The following PAPPA2 variants were observed in gnomAD, a reference collection of about 807,000 sequenced individuals.
PAPPA2 encodes pappalysin 2.
In PAPPA2, 86 loss-of-function variants were observed where a neutral mutation model predicts 176.4. The observed-to-expected ratio is 0.49, with a 90% CI of 0.41 to 0.58. The LOEUF is 0.58. Ranked by LOEUF, PAPPA2 falls within the 20% of genes least tolerant of loss-of-function variation. The pLI is 0.00. For synonymous variants in PAPPA2, 809 were observed against 852.2 expected (o/e 0.95, Z 0.88); for missense variants, 2,073 against 2,256.9 (o/e 0.92, Z 1.65).
chr1:176,507,147 C>T (rs552262935), intron 1 of PAPPA2, among the ~76,000 whole-genome samples: 1 of 151,970 alleles, frequency 6.6e-6, no homozygotes, highest in African/African-American at 2.4e-5. Flanking sequence ...AGACACTGCT[C>T]CAAAGAAGAC....
chr1:176,816,384 C>T (rs986640255), intron 21 of PAPPA2, among the ~76,000 whole-genome samples: 2 of 144,334 alleles, frequency 1.4e-5, no homozygotes, highest in African/African-American at 5.3e-5. Context: ...CACGCACACA[C>T]ACACACACAC....
chr1:176,504,860 C>T (rs937836454), intron 1 of PAPPA2, among the ~76,000 whole-genome samples: 1 of 152,062 alleles, frequency 6.6e-6, no homozygotes, highest in Non-Finnish European at 1.5e-5. Context: ...GGTACTACTC[C>T]TTCAGATGGA....
At chr1:176,473,300 G>A (rs1043667272) in intron 1 of PAPPA2, among the ~76,000 whole-genome samples, 2 of 151,974 alleles carry the variant, frequency 1.3e-5, no homozygotes, top group Non-Finnish European at 2.9e-5. Flanking sequence ...CAGCCTTTTC[G>A]GATTGGCTTC....
intron 12 of PAPPA2, among the ~76,000 whole-genome samples, chr1:176,715,471 T>C (rs111949626): frequency 9.2e-5 from 14 of 152,264 alleles, no homozygotes; most frequent in African/African-American, 3.1e-4. Flanking sequence ...AGGGTAGACA[T>C]CACACCTTGT....
At chr1:176,602,381 A>G (rs1160829725) in intron 3 of PAPPA2, among the ~76,000 whole-genome samples, 3 of 152,148 alleles carry the variant, frequency 2.0e-5, no homozygotes, top group Admixed American at 6.5e-5. Context: ...CAGGTATACA[A>G]TAGAAAGGGT....
intron 14 of PAPPA2, among the ~76,000 whole-genome samples, chr1:176,761,318 A>G (rs1368900037): frequency 6.6e-6 from 1 of 152,192 alleles, no homozygotes; most frequent in Non-Finnish European, 1.5e-5. Flanking sequence ...GGCTTAAAAC[A>G]CTGACTCTTG....
intron 1 of PAPPA2, among the ~76,000 whole-genome samples, chr1:176,507,065 C>G (rs1441028970): frequency 6.6e-6 from 1 of 151,988 alleles, no homozygotes; most frequent in Non-Finnish European, 1.5e-5. Flanking sequence ...TATCCAGAAT[C>G]TATAGGGAAT....
intron 1 of PAPPA2, among the ~76,000 whole-genome samples, chr1:176,490,298 T>C (rs1468450205): frequency 1.3e-5 from 2 of 152,180 alleles, no homozygotes; most frequent in African/African-American, 2.4e-5. Context: ...CAGGGGAATT[T>C]AATAAAAACA....
chr1:176,769,876 C>T, intron 16 of PAPPA2, 92 bp downstream of exon 16: 1 of 1,328,732 alleles, frequency 7.5e-7, no homozygotes, highest in African/African-American at 1.5e-5. Context: ...ACCCCAACAC[C>T]TTTCCTATTT....
At chr1:176,811,081 G>T (rs1666128546) in intron 21 of PAPPA2, among the ~76,000 whole-genome samples, 1 of 152,068 alleles carries the variant, frequency 6.6e-6, no homozygotes, top group African/African-American at 2.4e-5. Flanking sequence ...AAATGTCAAG[G>T]CTTGAAAGTA....
chr1:176,546,073 G>T (rs918765702), intron 1 of PAPPA2, among the ~76,000 whole-genome samples: 2 of 152,196 alleles, frequency 1.3e-5, no homozygotes, highest in Non-Finnish European at 2.9e-5. Context: ...GTCAAAATAA[G>T]TATGGACAGG....
At chr1:176,474,887 A>T (rs1652042885) in intron 1 of PAPPA2, among the ~76,000 whole-genome samples, 1 of 152,204 alleles carries the variant, frequency 6.6e-6, no homozygotes, top group African/African-American at 2.4e-5. Context: ...TACTGGGAAA[A>T]GTCATATGTT....
chr1:176,779,306 C>T (rs911485178), intron 17 of PAPPA2, among the ~76,000 whole-genome samples: 2 of 152,006 alleles, frequency 1.3e-5, no homozygotes, highest in African/African-American at 4.8e-5. Flanking sequence ...TTTCTTCAAG[C>T]CCATTGAGTG....
chr1:176,769,052 C>CATCA (rs2102910456), intron 15 of PAPPA2, among the ~76,000 whole-genome samples: 1 of 152,332 alleles, frequency 6.6e-6, no homozygotes, highest in South Asian at 2.1e-4. Flanking sequence ...GGGACTCAGT[C>CATCA]ATCACCCCTA....
At chr1:176,676,386 T>C (rs1443031559) in intron 4 of PAPPA2, among the ~76,000 whole-genome samples, 1 of 151,804 alleles carries the variant, frequency 6.6e-6, no homozygotes. Context: ...ATCGACACAA[T>C]GAAATACTAC....
At chr1:176,605,634 C>T (rs932431606) in intron 3 of PAPPA2, among the ~76,000 whole-genome samples, 5 of 152,186 alleles carry the variant, frequency 3.3e-5, no homozygotes, top group African/African-American at 1.2e-4. Context: ...CACAGTTTCT[C>T]ATAGTACCTT....
intron 21 of PAPPA2, among the ~76,000 whole-genome samples, chr1:176,812,458 C>T (rs963974887): frequency 2.6e-5 from 4 of 152,128 alleles, no homozygotes; most frequent in Admixed American, 2.6e-4. Flanking sequence ...GGACTTTGCT[C>T]AACTAAGACT....
At chr1:176,518,204 TCA>T (rs1292259108) in intron 1 of PAPPA2, among the ~76,000 whole-genome samples, 1 of 152,180 alleles carries the variant, frequency 6.6e-6, no homozygotes, top group African/African-American at 2.4e-5. Flanking sequence ...GGTCTCTGAC[TCA>T]CAATCTGGAG....
At chr1:176,573,275 A>C (rs1652458735) in intron 2 of PAPPA2, among the ~76,000 whole-genome samples, 7 of 152,234 alleles carry the variant, frequency 4.6e-5, no homozygotes. Context: ...TTCCAAGCAC[A>C]TGAATTCCTA....
Sources: allele counts gnomAD v4.1 joint callset (sites outside exome capture counted in the v4.1 genomes callset), GRCh38; gene constraint gnomAD v4.1.1; transcripts MANE v1.5; gene names NCBI Gene and HGNC (gene_info 2026-07-23, HGNC 2026-07-21).